THSD4: variants seen among roughly 807,000 people sequenced by gnomAD.
THSD4 encodes thrombospondin type-1 domain-containing protein 4.
Under a neutral mutation model 119.0 loss-of-function variants are expected in THSD4, and 69 were observed. The ratio of observed to expected loss-of-function variants is 0.58; its 90% confidence interval spans 0.48 to 0.71. THSD4 has a LOEUF of 0.71. THSD4 is among the 30% of genes least tolerant of loss of function. THSD4 has a pLI of 0.00. For missense variants in THSD4, 1,393 were observed against 1,391.1 expected, an observed-to-expected ratio of 1.00 and a Z score of -0.02; for synonymous variants, 524 against 540.4, an observed-to-expected ratio of 0.97 and a Z score of 0.42.
intron 7 of THSD4, among the ~76,000 whole-genome samples, chr15:71,643,101 G>T (rs1426346039): frequency 6.6e-6 from 1 of 151,980 alleles, no homozygotes. Flanking sequence ...CTTTCCTCTT[G>T]GGGTACTGGG....
At chr15:71,144,205 C>T (rs1383682618) in intron 2 of THSD4, among the ~76,000 whole-genome samples, 1 of 152,184 alleles carries the variant, frequency 6.6e-6, no homozygotes, top group East Asian at 1.9e-4. Context: ...GAGATCTCAG[C>T]TTGAGATTCC....
intron 2 of THSD4, among the ~76,000 whole-genome samples, chr15:71,148,541 A>G (rs1421789516): frequency 6.6e-6 from 1 of 152,128 alleles, no homozygotes; most frequent in Non-Finnish European, 1.5e-5. Flanking sequence ...TGGGATTTAT[A>G]TGGTCAGCTT....
In THSD4 at chr15:71,536,318, G is replaced by T. The variant is rs1159965731; in HGVS notation, c.1153-124212G>T. Among the ~76,000 whole-genome samples the T allele has an allele frequency of 2.0e-5, 3 of 152,288 alleles. No individual in the cohort carries two copies. The South Asian group carries it at 6.2e-4, about 32-fold the overall frequency. ...TTCCCAGGTCCCCTTCATCTTCAAAGCCTGCAATGGCAGGTTGAGTTCCTT... is the reference window on the plus strand; with the variant it reads ...TTCCCAGGTCCCCTTCATCTTCAAATCCTGCAATGGCAGGTTGAGTTCCTT... On this transcript the variant is annotated intron_variant, in intron 7 of 17. Transcript: ENST00000261862.
chr15:71,118,560 T>G (rs1397129808), intron 1 of THSD4, among the ~76,000 whole-genome samples: 1 of 152,040 alleles, frequency 6.6e-6, no homozygotes, highest in African/African-American at 2.4e-5. Flanking sequence ...CACACTGTCC[T>G]CATGTTAGTG....
intron 7 of THSD4, among the ~76,000 whole-genome samples, chr15:71,485,072 A>G (rs1408176183): frequency 6.6e-6 from 1 of 152,080 alleles, no homozygotes; most frequent in Admixed American, 6.6e-5. Flanking sequence ...GTGTTTCCAG[A>G]TTTGGAAGAA....
intron 1 of THSD4, among the ~76,000 whole-genome samples, chr15:71,138,630 C>T (rs1482393529): frequency 2.0e-5 from 3 of 152,146 alleles, no homozygotes; most frequent in South Asian, 2.1e-4. Context: ...CAAGAGCCTC[C>T]CTCTCCCTGG....
chr15:71,409,155 T>C (rs75094555), intron 6 of THSD4, among the ~76,000 whole-genome samples: 11,928 of 144,264 alleles, frequency 0.083, 678 homozygotes, highest in Non-Finnish European at 0.12. Context: ...CTTTTTTTTT[T>C]CCCCCCCCCT....
intron 8 of THSD4, among the ~76,000 whole-genome samples, chr15:71,680,996 G>A (rs1272934290): frequency 6.9e-6 from 1 of 145,354 alleles, no homozygotes; most frequent in African/African-American, 2.6e-5. Context: ...TCAGCTCACT[G>A]CAACCTCTTC....
chr15:71,355,073 T>C (rs1198968728), intron 6 of THSD4, among the ~76,000 whole-genome samples: 2 of 152,208 alleles, frequency 1.3e-5, no homozygotes, highest in Non-Finnish European at 2.9e-5. Flanking sequence ...AAATAACATT[T>C]GCCTAATGCT....
intron 6 of THSD4, among the ~76,000 whole-genome samples, chr15:71,392,091 C>T (rs1054174833): frequency 1.3e-5 from 2 of 152,266 alleles, no homozygotes; most frequent in Middle Eastern, 3.4e-3. Flanking sequence ...AGGGCTCTGA[C>T]GACAGCCCAA....
intron 6 of THSD4, among the ~76,000 whole-genome samples, chr15:71,343,483 G>A (rs1031470643): frequency 3.3e-5 from 5 of 152,148 alleles, no homozygotes; most frequent in South Asian, 4.1e-4. Context: ...GGTTGGCTTC[G>A]TCTGGAGTCT....
intron 3 of THSD4, among the ~76,000 whole-genome samples, chr15:71,182,463 G>C (rs1289870773): frequency 5.3e-5 from 8 of 151,696 alleles, no homozygotes; most frequent in South Asian, 4.2e-4. Context: ...GACTATAAAT[G>C]GTTCTAAGAA....
intron 6 of THSD4, among the ~76,000 whole-genome samples, chr15:71,304,537 C>T (rs1163857626): frequency 1.3e-5 from 2 of 151,882 alleles, no homozygotes; most frequent in Non-Finnish European, 2.9e-5. Context: ...AAATTTTAGC[C>T]CAAATTCTTT....
chr15:71,196,457 T>A (rs2043720333), intron 3 of THSD4, among the ~76,000 whole-genome samples: 1 of 152,122 alleles, frequency 6.6e-6, no homozygotes, highest in Non-Finnish European at 1.5e-5. Context: ...AGAGAGATTA[T>A]TGCAAGAATC....
At chr15:71,631,220 T>G (rs1489563576) in intron 7 of THSD4, among the ~76,000 whole-genome samples, 25 of 152,148 alleles carry the variant, frequency 1.6e-4, no homozygotes, top group Non-Finnish European at 4.4e-5. Context: ...GCCCAAGTCA[T>G]GCAGAGTCCT....
At chr15:71,529,066 C>T (rs1217527191) in intron 7 of THSD4, among the ~76,000 whole-genome samples, 1 of 152,176 alleles carries the variant, frequency 6.6e-6, no homozygotes, top group Non-Finnish European at 1.5e-5. Context: ...TGGGCCAGTC[C>T]TGGTGATTCT....
chr15:71,716,320 T>C (rs577401662), intron 8 of THSD4, among the ~76,000 whole-genome samples: 2 of 152,264 alleles, frequency 1.3e-5, no homozygotes, highest in South Asian at 4.1e-4. Context: ...AAAGATCCTA[T>C]TTCTAAATAA....
intron 6 of THSD4, among the ~76,000 whole-genome samples, chr15:71,344,436 G>C (rs567019587): frequency 6.6e-6 from 1 of 152,248 alleles, no homozygotes; most frequent in South Asian, 2.1e-4. Flanking sequence ...ATATTTGGGA[G>C]AAGGGAGGGC....
intron 8 of THSD4, among the ~76,000 whole-genome samples, chr15:71,715,058 G>A (rs1326014348): frequency 6.6e-6 from 1 of 152,104 alleles, no homozygotes; most frequent in African/African-American, 2.4e-5. Context: ...TATGGCATGC[G>A]AGAATCACAA....
Sources: gnomAD v4.1 joint callset for allele counts (sites outside exome capture counted in the v4.1 genomes callset) on GRCh38, gnomAD v4.1.1 for gene constraint, MANE v1.5 for transcripts, NCBI Gene and HGNC (gene_info 2026-07-23, HGNC 2026-07-21) for gene names.